Variants in MBOAT2 observed in about 807,000 individuals in gnomAD.
The protein encoded by MBOAT2 is membrane bound glycerophospholipid O-acyltransferase 2.
In MBOAT2, 28 loss-of-function variants were observed where a neutral mutation model predicts 63.4. The ratio of observed to expected loss-of-function variants is 0.44; its 90% confidence interval spans 0.33 to 0.61. The LOEUF (loss-of-function observed/expected upper bound fraction) is 0.61, where lower values mean the gene tolerates loss of function less well. Ranked by LOEUF, MBOAT2 falls within the 20% of genes least tolerant of loss-of-function variation. The pLI, the probability that MBOAT2 is intolerant of heterozygous loss-of-function variation, is 0.03. For synonymous variants in MBOAT2, 211 were observed against 215.6 expected (o/e 0.98, Z 0.19); for missense variants, 470 against 605.8 (o/e 0.78, Z 2.35).
At chr2:8,874,842 A>G (rs1662589698) in intron 7 of MBOAT2, among the ~76,000 whole-genome samples, 1 of 152,188 alleles carries the variant, frequency 6.6e-6, no homozygotes, top group African/African-American at 2.4e-5. Flanking sequence ...AAGATGACAC[A>G]TCATAGCCTT....
chr2:8,935,089 G>A (rs1050762745), intron 3 of MBOAT2, among the ~76,000 whole-genome samples: 7 of 152,252 alleles, frequency 4.6e-5, no homozygotes, highest in Admixed American at 3.3e-4. Context: ...TTCCAGCCCC[G>A]ACTCCACCCC....
intron 4 of MBOAT2, among the ~76,000 whole-genome samples, chr2:8,906,089 G>T (rs1665307890): frequency 6.7e-6 from 1 of 150,054 alleles, no homozygotes; most frequent in Non-Finnish European, 1.5e-5. Context: ...CTCCTGAGTA[G>T]CTGGGGCTAC....
intron 5 of MBOAT2, among the ~76,000 whole-genome samples, chr2:8,882,821 C>T (rs1663240159): frequency 6.6e-6 from 1 of 152,114 alleles, no homozygotes; most frequent in Non-Finnish European, 1.5e-5. Context: ...AATGCTGGCA[C>T]TTTAAAAATT....
chr2:8,960,265 T>C (rs1271754744), intron 1 of MBOAT2, among the ~76,000 whole-genome samples: 1 of 152,244 alleles, frequency 6.6e-6, no homozygotes, highest in Admixed American at 6.5e-5. Flanking sequence ...CTCTTATTTC[T>C]TTCTTTTTCA....
chr2:8,860,480 A>G, intron 12 of MBOAT2, 133 bp downstream of exon 12: 3 of 887,068 alleles, frequency 3.4e-6, no homozygotes, highest in Non-Finnish European at 5.3e-6. Flanking sequence ...TCAGAATTAA[A>G]AAGTAACTGA....
chr2:8,972,728 CAAA>C (rs1670535879), intron 1 of MBOAT2, among the ~76,000 whole-genome samples: 2 of 152,148 alleles, frequency 1.3e-5, no homozygotes, highest in African/African-American at 4.8e-5. Context: ...AGACACTTCT[CAAA>C]AGAAGACATT....
rs146023793 is a variant in MBOAT2, at chr2:8,923,981, T to C, written c.300-15265A>G. On this transcript the variant is annotated intron_variant, in intron 3 of 12. Coordinates refer to ENST00000305997, the MANE Select transcript of MBOAT2 (RefSeq NM_138799.4). ...ATTTCTGTGGGAGGTAAACTAGGGT[T>C]CCAACACAGATCCAGAAAACCAGAA... Among the ~76,000 whole-genome samples, 71 of 152,212 alleles carry C rather than the reference T, an allele frequency of 4.7e-4. No homozygotes were observed. In the East Asian group the frequency reaches 0.013, roughly 28 times the overall value.
At chr2:8,960,185 A>T (rs1352372575) in intron 1 of MBOAT2, among the ~76,000 whole-genome samples, 2 of 152,162 alleles carry the variant, frequency 1.3e-5, no homozygotes, top group Non-Finnish European at 2.9e-5. Context: ...GAATGGAAAA[A>T]TTTGTGTTCT....
At chr2:8,946,692 A>T (rs1445741479) in intron 2 of MBOAT2, among the ~76,000 whole-genome samples, 1 of 152,204 alleles carries the variant, frequency 6.6e-6, no homozygotes, top group Non-Finnish European at 1.5e-5. Context: ...ATCTGTGATC[A>T]GCGATCTTTG....
chr2:8,854,520 A>G lies in MBOAT2; in HGVS notation c.*4159T>C, dbSNP rs1234615716. On this transcript the variant is annotated 3_prime_UTR_variant, in exon 13 of 13. Coordinates refer to ENST00000305997, the MANE Select transcript of MBOAT2 (RefSeq NM_138799.4). The stretch of plus-strand genomic sequence containing the variant: ...TAGCTTATATCTAAAACTCTGGACA[A>G]ATTTTTAGCTGACACAGATATAGTA... 1 of 152,246 alleles carries G rather than the reference A, an allele frequency of 6.6e-6. No homozygotes were observed. Among genetic ancestry groups the G allele is most frequent in the African/African-American group, 2.4e-5 (1 of 41,466 alleles). 9.4% of individuals were successfully genotyped at this position (152,246 alleles called of 1,614,324 possible).
intron 3 of MBOAT2, among the ~76,000 whole-genome samples, chr2:8,921,904 T>C: frequency 6.6e-6 from 1 of 152,320 alleles, no homozygotes; most frequent in African/African-American, 2.4e-5. Flanking sequence ...ATCCACAGAT[T>C]AATGTTTTAC....
At chr2:8,908,247 A>G (rs1665472029) in intron 4 of MBOAT2, 1 of 159,640 alleles carries the variant, frequency 6.3e-6, no homozygotes, top group Non-Finnish European at 1.4e-5. Context: ...GAAGGAACAA[A>G]TGCCAGAAAT....
chr2:8,986,544 G>T (rs1415145777), intron 1 of MBOAT2, among the ~76,000 whole-genome samples: 1 of 151,700 alleles, frequency 6.6e-6, no homozygotes, highest in African/African-American at 2.4e-5. Flanking sequence ...GGCTGGGGGA[G>T]ACAGGGCGAG....
At chr2:8,902,028 C>T (rs916938061) in intron 4 of MBOAT2, among the ~76,000 whole-genome samples, 53 of 152,136 alleles carry the variant, frequency 3.5e-4, no homozygotes, top group Non-Finnish European at 3.5e-4. Flanking sequence ...AACTTGTTGT[C>T]GGGACCCCGG....
At chr2:8,966,886 A>G (rs1670034528) in intron 1 of MBOAT2, among the ~76,000 whole-genome samples, 1 of 152,254 alleles carries the variant, frequency 6.6e-6, no homozygotes, top group South Asian at 2.1e-4. Context: ...AGAGGCATGT[A>G]CAAGAATGTT....
intron 3 of MBOAT2, among the ~76,000 whole-genome samples, chr2:8,930,445 T>C (rs950209386): frequency 5.3e-5 from 8 of 152,172 alleles, no homozygotes; most frequent in Non-Finnish European, 8.8e-5. Context: ...TTCCATGGTG[T>C]ATATGTGCCA....
chr2:8,997,674 T>C (rs1266425497), intron 1 of MBOAT2, among the ~76,000 whole-genome samples: 1 of 152,224 alleles, frequency 6.6e-6, no homozygotes, highest in African/African-American at 2.4e-5. Context: ...TTTACAAAGA[T>C]TATGGTTTCA....
At chr2:8,869,208 ATTTTTTT>A (rs750568440) in intron 8 of MBOAT2, among the ~76,000 whole-genome samples, 1 of 124,966 alleles carries the variant, frequency 8.0e-6, no homozygotes, top group Non-Finnish European at 1.7e-5. Flanking sequence ...CATCATGCCT[ATTTTTTT>A]TTTTTTTTTT....
intron 4 of MBOAT2, among the ~76,000 whole-genome samples, chr2:8,893,219 A>G (rs1664149824): frequency 6.6e-6 from 1 of 152,002 alleles, no homozygotes; most frequent in Non-Finnish European, 1.5e-5. Flanking sequence ...TCGATAATGT[A>G]TCCAATGTGG....
Sources: gnomAD v4.1 joint callset for allele counts (sites outside exome capture counted in the v4.1 genomes callset) on GRCh38, gnomAD v4.1.1 for gene constraint, MANE v1.5 for transcripts, NCBI Gene and HGNC (gene_info 2026-07-23, HGNC 2026-07-21) for gene names.